Variants in DCLRE1C observed in about 807,000 individuals in gnomAD.
DCLRE1C encodes DNA cross-link repair 1C, also known as protein artemis.
A neutral mutation model predicts 61.4 loss-of-function variants in DCLRE1C; 47 were observed. The observed-to-expected ratio is 0.77, with a 90% confidence interval of 0.61 to 0.98. The LOEUF (loss-of-function observed/expected upper bound fraction) is 0.98. Ranked by LOEUF, DCLRE1C falls within the 50% of genes least tolerant of loss-of-function variation. DCLRE1C has a pLI of 0.00. For missense variants in DCLRE1C, 858 were observed against 816.0 expected, an observed-to-expected ratio of 1.05 and a Z score of -0.63; for synonymous variants, 337 against 287.6, an observed-to-expected ratio of 1.17 and a Z score of -1.74.
chr10:14,919,077 C>T (rs1836671905), intron 13 of DCLRE1C, among the ~76,000 whole-genome samples: 1 of 152,122 alleles, frequency 6.6e-6, no homozygotes, highest in Non-Finnish European at 1.5e-5. Context: ...TCATCATTAT[C>T]TCGTGTGTTT....
chr10:14,950,663 A>C (rs1290056768), intron 1 of DCLRE1C, among the ~76,000 whole-genome samples: 3 of 152,188 alleles, frequency 2.0e-5, no homozygotes, highest in Admixed American at 6.5e-5. Context: ...TGGAGTTTCC[A>C]AAGAGTTTGC....
Position 14,954,031 on chromosome 10 carries a change from C to G in DCLRE1C, c.-21G>C, listed in dbSNP as rs773407285. 1.2e-6 allele frequency: 2 copies of G among 1,613,744 alleles called. No individual in the cohort carries two copies. Among genetic ancestry groups the G allele is most frequent in the Non-Finnish European group, 1.7e-6 (2 of 1,179,880 alleles). On this transcript the variant is annotated 5_prime_UTR_variant, in exon 1 of 14. Coordinates refer to ENST00000378278, the MANE Select transcript of DCLRE1C (RefSeq NM_001033855.3). The stretch of plus-strand genomic sequence containing the variant: ...CTCATAGCGCCGCCGATCCCAGAGT[C>G]CGGGACCCCAAAACCGCAGCTGAAG...
intron 11 of DCLRE1C, 104 bp downstream of exon 11, chr10:14,926,739 A>G (rs1838052695): frequency 1.1e-6 from 1 of 882,056 alleles, no homozygotes; most frequent in Non-Finnish European, 1.9e-6. Context: ...AATGAAACTT[A>G]CATAGAAACA....
chr10:14,953,741 C>A (rs1036506476), intron 1 of DCLRE1C, among the ~76,000 whole-genome samples, 161 bp downstream of exon 1: 1 of 152,178 alleles, frequency 6.6e-6, no homozygotes, highest in Non-Finnish European at 1.5e-5. Flanking sequence ...ATAGATGAAG[C>A]CTTTGAGAGG....
intron 13 of DCLRE1C, among the ~76,000 whole-genome samples, chr10:14,915,120 AAAC>A (rs1161903065): frequency 6.7e-6 from 1 of 149,800 alleles, no homozygotes; most frequent in African/African-American, 2.4e-5. Flanking sequence ...ATGACAATGA[AAAC>A]AAGACAAATT....
At chr10:14,920,929 G>A (rs755182453) in intron 12 of DCLRE1C, among the ~76,000 whole-genome samples, 7 of 152,026 alleles carry the variant, frequency 4.6e-5, no homozygotes, top group Non-Finnish European at 1.0e-4. Flanking sequence ...TTTGCAGTGA[G>A]CCGAGGTTGC....
intron 3 of DCLRE1C, among the ~76,000 whole-genome samples, chr10:14,940,167 C>G (rs989146240): frequency 6.6e-6 from 1 of 152,162 alleles, no homozygotes; most frequent in African/African-American, 2.4e-5. Flanking sequence ...CCTACCACTC[C>G]CATTCCCCTC....
exon 14 of DCLRE1C, chr10:14,899,074 C>T (rs1833805664): frequency 4.9e-6 from 3 of 606,394 alleles, no homozygotes; most frequent in Middle Eastern, 4.1e-4. Flanking sequence ...AATCCCAGCA[C>T]TTGGGGAGGT....
chr10:14,908,921 GA>G lies in DCLRE1C; in HGVS notation c.1565del (p.Phe522SerfsTer22), dbSNP rs1384196223. The G allele has an allele frequency of 6.2e-7, 1 of 1,614,102 alleles. No individual in the cohort carries two copies. The highest frequency in any genetic ancestry group is 8.5e-7 in the Non-Finnish European group (1 of 1,180,046). ...GAGTTGATTCTCCATCAGAGTCACT[GA>G]AAAGCTTTGGTGACTGAGATCCCCC... ...VAGGSQSPKL[F>X]SDSDGESTHI... On this transcript the variant is annotated frameshift_variant, in exon 14 of 14. Coordinates refer to ENST00000378278, the MANE Select transcript of DCLRE1C (RefSeq NM_001033855.3). LOFTEE classifies it low-confidence loss of function (END_TRUNC).
chr10:14,950,668 G>A (rs1842334857), intron 1 of DCLRE1C, among the ~76,000 whole-genome samples: 1 of 152,184 alleles, frequency 6.6e-6, no homozygotes, highest in African/African-American at 2.4e-5. Context: ...TTTCCAAAGA[G>A]TTTGCGCCAT....
chr10:14,933,055 AC>A (rs1430167737), intron 8 of DCLRE1C, 100 bp from the exon 9 acceptor site: 49 of 1,310,212 alleles, frequency 3.7e-5, no homozygotes, highest in Non-Finnish European at 5.2e-5. Context: ...TAGTGAATTA[AC>A]CCTCTCTTCT....
chr10:14,949,139 T>C (rs1017344652), intron 1 of DCLRE1C, 52 bp from the exon 2 acceptor site: 7 of 1,278,428 alleles, frequency 5.5e-6, no homozygotes, highest in African/African-American at 2.9e-5. Context: ...GAGGATTCCT[T>C]AGCCCAAGGG....
At chr10:14,925,225 T>TAAAAAAAA (rs67477083) in intron 11 of DCLRE1C, among the ~76,000 whole-genome samples, 9 of 109,326 alleles carry the variant, frequency 8.2e-5, no homozygotes, top group African/African-American at 2.2e-4. Flanking sequence ...ATAAAGGATT[T>TAAAAAAAA]AAAAAAAAAA....
chr10:14,939,051 G>A (rs1222709445), intron 4 of DCLRE1C, among the ~76,000 whole-genome samples: 1 of 152,208 alleles, frequency 6.6e-6, no homozygotes, highest in East Asian at 1.9e-4. Context: ...TAGAAGCCTT[G>A]TGAGTGACAT....
At chr10:14,927,718 A>T (rs1838260366) in intron 10 of DCLRE1C, among the ~76,000 whole-genome samples, 1 of 152,150 alleles carries the variant, frequency 6.6e-6, no homozygotes, top group Non-Finnish European at 1.5e-5. Flanking sequence ...CCTCTGCTCC[A>T]CCAAGGGTTC....
chr10:14,933,624 A>C (rs1385133037), intron 8 of DCLRE1C, among the ~76,000 whole-genome samples: 1 of 152,112 alleles, frequency 6.6e-6, no homozygotes, highest in Non-Finnish European at 1.5e-5. Context: ...ACGACAGAGC[A>C]AGACAGTCTC....
intron 13 of DCLRE1C, among the ~76,000 whole-genome samples, chr10:14,918,693 TAG>T (rs1345250149): frequency 6.6e-6 from 1 of 151,848 alleles, no homozygotes; most frequent in Non-Finnish European, 1.5e-5. Flanking sequence ...CATTACATAA[TAG>T]AGTTAACATC....
At chr10:14,903,331 T>C (rs1045866290), downstream of DCLRE1C, 2 of 152,148 alleles carry the variant, frequency 1.3e-5, no homozygotes, top group Non-Finnish European at 2.9e-5. Flanking sequence ...GTTAGTAACA[T>C]GAATTGGAAA....
In DCLRE1C at chr10:14,928,234, GAA is replaced by G. The variant is rs1011307549; in HGVS notation, c.781-84_781-83del. The G allele has an allele frequency of 3.7e-5, 48 of 1,291,674 alleles. No individual in the cohort carries two copies. The African/African-American group carries it at 5.9e-4, about 16-fold the overall frequency. The allele number at this position is 1,291,674 out of a possible 1,614,324, so 80.0% of individuals were successfully genotyped here. On this transcript the variant is annotated intron_variant, in intron 9 of 13. Transcript: ENST00000378278. ...AGGCAGAGTCTCAAAAACAAAAGTA[GAA>G]AAGTTTCCAGACACGAAAAAATAAA...
Sources: allele counts gnomAD v4.1 joint callset (sites outside exome capture counted in the v4.1 genomes callset), GRCh38; gene constraint gnomAD v4.1.1; transcripts MANE v1.5; gene names NCBI Gene and HGNC (gene_info 2026-07-23, HGNC 2026-07-21).